NTM: variants seen among roughly 807,000 people sequenced by gnomAD.
NTM encodes the protein neurotrimin.
Under a neutral mutation model 42.1 loss-of-function variants are expected in NTM, and 13 were observed. The observed-to-expected ratio is 0.31, with a 90% CI of 0.20 to 0.49. NTM has a LOEUF of 0.49. Among genes scored for constraint, NTM ranks in the 20% least tolerant of loss-of-function variants. The pLI is 0.99. For missense variants in NTM, 373 were observed against 452.8 expected, an observed-to-expected ratio of 0.82 and a Z score of 1.60; for synonymous variants, 187 against 179.2, an observed-to-expected ratio of 1.04 and a Z score of -0.35.
At chr11:131,694,318 A>G (rs555940679) in intron 1 of NTM, among the ~76,000 whole-genome samples, 16 of 152,184 alleles carry the variant, frequency 1.1e-4, no homozygotes, top group Non-Finnish European at 1.5e-5. Context: ...CAAGCTACAG[A>G]CCATTTTCAT....
intron 1 of NTM, among the ~76,000 whole-genome samples, chr11:131,650,231 A>T (rs191674637): frequency 1.3e-5 from 2 of 152,180 alleles, no homozygotes; most frequent in African/African-American, 4.8e-5. Flanking sequence ...TTGAAGATGA[A>T]ATCTCTGGAT....
intron 4 of NTM, among the ~76,000 whole-genome samples, chr11:132,251,282 A>G (rs1477068939): frequency 6.6e-6 from 1 of 152,174 alleles, no homozygotes; most frequent in African/African-American, 2.4e-5. Context: ...AAAGGCTTCA[A>G]TTTACCTGAC....
At chr11:131,377,546 C>T (rs939748712) in intron 1 of NTM, among the ~76,000 whole-genome samples, 1 of 152,218 alleles carries the variant, frequency 6.6e-6, no homozygotes, top group Non-Finnish European at 1.5e-5. Flanking sequence ...AGATAACCTC[C>T]TCTATGAGAA....
At chr11:131,772,909 G>C (rs1193242411) in intron 1 of NTM, among the ~76,000 whole-genome samples, 2 of 152,186 alleles carry the variant, frequency 1.3e-5, no homozygotes, top group African/African-American at 4.8e-5. Flanking sequence ...TATCTGAGGT[G>C]AGACTTAACT....
chr11:131,487,559 G>A (rs192682930), intron 1 of NTM, among the ~76,000 whole-genome samples: 3 of 152,180 alleles, frequency 2.0e-5, no homozygotes, highest in African/African-American at 7.2e-5. Flanking sequence ...GACAAGGATA[G>A]GTGAGTATAT....
chr11:132,004,166 G>A (rs968636217), intron 2 of NTM, among the ~76,000 whole-genome samples: 2 of 152,094 alleles, frequency 1.3e-5, no homozygotes, highest in South Asian at 4.1e-4. Context: ...GGGGGCATTG[G>A]GAGAGTAAAG....
At chr11:131,600,024 C>A (rs2060328648) in intron 1 of NTM, among the ~76,000 whole-genome samples, 1 of 152,346 alleles carries the variant, frequency 6.6e-6, no homozygotes, top group South Asian at 2.1e-4. Context: ...GTACACATCA[C>A]CTCTCCGAGG....
At chr11:132,138,002 G>A (rs531248725) in intron 2 of NTM, among the ~76,000 whole-genome samples, 17 of 152,104 alleles carry the variant, frequency 1.1e-4, no homozygotes, top group Admixed American at 7.2e-4. Context: ...CCACAAACTC[G>A]CCAGTATTTT....
intron 1 of NTM, among the ~76,000 whole-genome samples, chr11:131,685,539 G>T (rs768939817): frequency 6.6e-6 from 1 of 152,124 alleles, no homozygotes; most frequent in Non-Finnish European, 1.5e-5. Context: ...CCTGCCTCAG[G>T]GCCTTTGTGC....
At chr11:132,271,740 CTT>C (rs56312772) in intron 4 of NTM, among the ~76,000 whole-genome samples, 117 of 131,846 alleles carry the variant, frequency 8.9e-4, no homozygotes, top group East Asian at 1.9e-3. Flanking sequence ...ATTGGGTTGT[CTT>C]TTTTTTTTTT....
At chr11:131,959,464 C>A (rs1180793478) in intron 2 of NTM, among the ~76,000 whole-genome samples, 1 of 151,846 alleles carries the variant, frequency 6.6e-6, no homozygotes. Context: ...CCCATCTTTA[C>A]AAAATAAAAT....
intron 1 of NTM, among the ~76,000 whole-genome samples, chr11:131,675,443 T>A (rs2071209274): frequency 6.6e-6 from 1 of 152,236 alleles, no homozygotes; most frequent in Admixed American, 6.5e-5. Context: ...CTTTTTGGAA[T>A]GGTGGCCGCA....
At chr11:131,610,571 C>T (rs938829856) in intron 1 of NTM, among the ~76,000 whole-genome samples, 2 of 152,178 alleles carry the variant, frequency 1.3e-5, no homozygotes, top group African/African-American at 4.8e-5. Context: ...CACAAGCTTA[C>T]ACAATGGGGC....
intron 1 of NTM, among the ~76,000 whole-genome samples, chr11:131,738,046 C>A (rs2080707261): frequency 6.6e-6 from 1 of 152,176 alleles, no homozygotes; most frequent in African/African-American, 2.4e-5. Context: ...TTTTCAGTGG[C>A]TTTTTTCCCT....
chr11:131,929,782 TTTCCTGGGTGAATAAA>T (rs2058396666), intron 2 of NTM, among the ~76,000 whole-genome samples: 1 of 152,214 alleles, frequency 6.6e-6, no homozygotes, highest in Non-Finnish European at 1.5e-5. Context: ...GTCCGCTTGC[TTTCCTGGGTGAATAAA>T]CACCAGGCCG....
chr11:132,261,111 G>A (rs545720443), intron 4 of NTM, among the ~76,000 whole-genome samples: 2 of 152,268 alleles, frequency 1.3e-5, no homozygotes, highest in Admixed American at 6.5e-5. Context: ...TCCATTTAGG[G>A]GTGGCTGGGT....
chr11:132,091,556 C>T (rs951180821), intron 2 of NTM, among the ~76,000 whole-genome samples: 40 of 152,080 alleles, frequency 2.6e-4, no homozygotes, highest in Admixed American at 1.8e-3. Context: ...TCATGGCTCA[C>T]TGCAGCCTCG....
At chr11:132,231,004 C>T (rs61906028) in intron 4 of NTM, among the ~76,000 whole-genome samples, 20,593 of 152,182 alleles carry the variant, frequency 0.14, 1,743 homozygotes, top group East Asian at 0.22. Flanking sequence ...AGAGTGACAC[C>T]TTGTCTCTCA....
At chr11:132,069,358 C>G (rs1319584938) in intron 2 of NTM, among the ~76,000 whole-genome samples, 2 of 145,370 alleles carry the variant, frequency 1.4e-5, no homozygotes, top group East Asian at 3.9e-4. Flanking sequence ...ACACGTCACA[C>G]TGACCATCAC....
Sources: gnomAD v4.1 joint callset for allele counts (sites outside exome capture counted in the v4.1 genomes callset) on GRCh38, gnomAD v4.1.1 for gene constraint, MANE v1.5 for transcripts, NCBI Gene and HGNC (gene_info 2026-07-23, HGNC 2026-07-21) for gene names.